The following WDR7 variants were observed in gnomAD, a reference collection of about 807,000 sequenced individuals.
WDR7 encodes WD repeat-containing protein 7.
WDR7 carries 46 observed loss-of-function variants against 169.4 expected under a neutral mutation model. The observed-to-expected ratio is 0.27, with a 90% CI of 0.21 to 0.35. WDR7 has a LOEUF of 0.35. Among genes scored for constraint, WDR7 ranks in the 10% least tolerant of loss-of-function variants. The pLI is 1.00. For missense variants in WDR7, 1,534 were observed against 1,859.3 expected (o/e 0.83, Z 3.22); for synonymous variants, 612 against 666.8 (o/e 0.92, Z 1.27).
chr18:56,825,886 A>G (rs1226388371), intron 20 of WDR7, among the ~76,000 whole-genome samples: 1 of 152,222 alleles, frequency 6.6e-6, no homozygotes, highest in Admixed American at 6.5e-5. Flanking sequence ...CCTCGTGTTC[A>G]TATAAAACCA....
At chr18:56,823,444 A>G (rs113558334) in intron 20 of WDR7, among the ~76,000 whole-genome samples, 1,857 of 152,228 alleles carry the variant, frequency 0.012, 34 homozygotes, top group African/African-American at 0.04. Context: ...ATTTGTATTC[A>G]TAGTGGTGGC....
chr18:57,014,168 A>G (rs2048175230), intron 26 of WDR7, among the ~76,000 whole-genome samples: 1 of 151,694 alleles, frequency 6.6e-6, no homozygotes, highest in African/African-American at 2.4e-5. Context: ...TCCAATAAAA[A>G]TACAAAAATT....
rs2048290742 is a variant in WDR7, at chr18:57,021,478, G to A, written c.4269+629G>A. ...TTTTATAATTATCTCATTTTTCTTT[G>A]CATTCTGAATTTCCCACATAATACT... is the stretch of plus-strand genomic sequence containing the variant. On this transcript the variant is annotated intron_variant, in intron 27 of 27. Transcript: ENST00000254442. Among the ~76,000 whole-genome samples the A allele has an allele frequency of 2.6e-5, 4 of 152,092 alleles. No homozygotes were observed. The South Asian group carries it at 8.3e-4, about 32-fold the overall frequency.
At chr18:56,951,473 C>T (rs117264634) in intron 25 of WDR7, among the ~76,000 whole-genome samples, 6 of 152,296 alleles carry the variant, frequency 3.9e-5, no homozygotes, top group Non-Finnish European at 7.4e-5. Flanking sequence ...AATGTCATCT[C>T]ATCTGTCGAT....
chr18:56,660,543 C>T (rs930839143), intron 1 of WDR7, among the ~76,000 whole-genome samples: 1 of 151,728 alleles, frequency 6.6e-6, no homozygotes, highest in African/African-American at 2.4e-5. Flanking sequence ...ATAAAGGATA[C>T]TCAACCTATA....
At chr18:56,691,870 A>G in intron 9 of WDR7, 53 bp downstream of exon 9, 1 of 1,404,030 alleles carries the variant, frequency 7.1e-7, no homozygotes, top group South Asian at 1.2e-5. Context: ...AAAAACTTCT[A>G]CAACTGTATT....
the WDR7 span, chr18:57,035,447 G>A: frequency 0.2 from 31,091 of 152,338 alleles, 3,668 homozygotes; most frequent in Non-Finnish European, 0.27. Flanking sequence ...AAGAAGAAAT[G>A]TCAGAACTGA....
At chr18:56,844,969 T>A (rs1214039) in intron 20 of WDR7, among the ~76,000 whole-genome samples, 42,687 of 152,012 alleles carry the variant, frequency 0.28, 7,763 homozygotes, top group African/African-American at 0.52. Context: ...TTAATGCCAT[T>A]CTGTGCCTAA....
intron 26 of WDR7, among the ~76,000 whole-genome samples, chr18:56,973,472 A>AAT (rs2047521078): frequency 2.0e-5 from 3 of 152,144 alleles, no homozygotes; most frequent in Admixed American, 2.0e-4. Flanking sequence ...ATAAATGCCT[A>AAT]ATATATATAC....
At chr18:56,893,812 T>C (rs2046296246) in intron 21 of WDR7, among the ~76,000 whole-genome samples, 1 of 152,130 alleles carries the variant, frequency 6.6e-6, no homozygotes, top group Non-Finnish European at 1.5e-5. Context: ...ACAGCAGAAC[T>C]GATTTGTGCA....
intron 20 of WDR7, among the ~76,000 whole-genome samples, chr18:56,841,030 A>C (rs1024764312): frequency 2.0e-5 from 3 of 151,742 alleles, no homozygotes; most frequent in African/African-American, 7.3e-5. Flanking sequence ...ATCTCTACTA[A>C]AAATACAAAA....
intron 1 of WDR7, among the ~76,000 whole-genome samples, chr18:56,664,222 TGGG>T (rs2024970389): frequency 6.6e-6 from 1 of 152,144 alleles, no homozygotes; most frequent in Non-Finnish European, 1.5e-5. Flanking sequence ...CTTCATGTAG[TGGG>T]AGATCTTGAG....
intron 16 of WDR7, among the ~76,000 whole-genome samples, chr18:56,769,875 G>A (rs1476587749): frequency 6.6e-6 from 1 of 152,122 alleles, no homozygotes; most frequent in African/African-American, 2.4e-5. Context: ...ATTAAGGAAT[G>A]TATCTGAGAA....
intron 26 of WDR7, among the ~76,000 whole-genome samples, chr18:56,964,638 T>G (rs1207268333): frequency 6.6e-6 from 1 of 152,168 alleles, no homozygotes; most frequent in African/African-American, 2.4e-5. Context: ...TCCGCCCACC[T>G]CAGCCTCCCA....
intron 22 of WDR7, among the ~76,000 whole-genome samples, chr18:56,930,502 G>A (rs1178801973): frequency 6.6e-6 from 1 of 152,050 alleles, no homozygotes; most frequent in East Asian, 1.9e-4. Context: ...ATTGTATTTA[G>A]CATACAGGAA....
intron 26 of WDR7, among the ~76,000 whole-genome samples, chr18:56,991,970 TTTC>T (rs1254456274): frequency 1.2e-4 from 19 of 152,258 alleles, no homozygotes; most frequent in African/African-American, 3.6e-4. Flanking sequence ...ATATTCTCCA[TTTC>T]TTCTTCTAAT....
chr18:56,999,856 C>A (rs1247128205), intron 26 of WDR7, among the ~76,000 whole-genome samples: 2 of 152,098 alleles, frequency 1.3e-5, no homozygotes, highest in Non-Finnish European at 2.9e-5. Context: ...GAGAACGGAC[C>A]ACCCAAGGCC....
intron 21 of WDR7, among the ~76,000 whole-genome samples, chr18:56,891,797 T>TTCTTTGGCCACATTATCATACAC (rs1368389297): frequency 6.6e-6 from 1 of 152,104 alleles, no homozygotes; most frequent in Non-Finnish European, 1.5e-5. Flanking sequence ...AAATATACTT[T>TTCTTTGGCCACATTATCATACAC]TCTTTGGCCA....
chr18:56,788,162 A>G (rs943764973), intron 19 of WDR7, among the ~76,000 whole-genome samples: 1 of 152,168 alleles, frequency 6.6e-6, no homozygotes, highest in African/African-American at 2.4e-5. Flanking sequence ...AAATATTTCA[A>G]AAAGTCTTTG....
Sources: gnomAD v4.1 joint callset for allele counts (sites outside exome capture counted in the v4.1 genomes callset) on GRCh38, gnomAD v4.1.1 for gene constraint, MANE v1.5 for transcripts, NCBI Gene and HGNC (gene_info 2026-07-23, HGNC 2026-07-21) for gene names.